The following NELL1 variants were observed in gnomAD, a reference collection of about 807,000 sequenced individuals.
NELL1 encodes neural EGFL like 1, also known as protein kinase C-binding protein NELL1.
In NELL1, 76 loss-of-function variants were observed where a neutral mutation model predicts 107.4. The observed-to-expected ratio is 0.71, with a 90% CI of 0.59 to 0.86. NELL1 has a LOEUF of 0.86. Among genes scored for constraint, NELL1 ranks in the 40% least tolerant of loss-of-function variants. NELL1 has a pLI of 0.00. For missense variants in NELL1, 1,024 were observed against 1,005.5 expected, an observed-to-expected ratio of 1.02 and a Z score of -0.25; for synonymous variants, 353 against 341.2, an observed-to-expected ratio of 1.03 and a Z score of -0.38.
At chr11:21,432,048 A>T (rs1026214047) in intron 15 of NELL1, among the ~76,000 whole-genome samples, 6 of 152,172 alleles carry the variant, frequency 3.9e-5, no homozygotes, top group Non-Finnish European at 5.9e-5. Flanking sequence ...TGAGGCAATT[A>T]TAACAGTGTA....
At chr11:21,447,121 AGTCAGCTT>A (rs1456100368) in intron 15 of NELL1, among the ~76,000 whole-genome samples, 4,605 of 152,164 alleles carry the variant, frequency 0.03, 240 homozygotes, top group African/African-American at 0.1. Context: ...AGGGCTCTTC[AGTCAGCTT>A]ATGGTGAATA....
At chr11:20,938,910 C>CTCTCTG (rs1850784039) in intron 10 of NELL1, among the ~76,000 whole-genome samples, 1 of 81,220 alleles carries the variant, frequency 1.2e-5, no homozygotes, top group Non-Finnish European at 2.6e-5. Context: ...CTCTCTCTGT[C>CTCTCTG]TCTCTCTCTC....
intron 15 of NELL1, among the ~76,000 whole-genome samples, chr11:21,392,113 C>T (rs1019479677): frequency 5.3e-5 from 8 of 151,764 alleles, no homozygotes; most frequent in Non-Finnish European, 8.8e-5. Flanking sequence ...ATACCCCTGT[C>T]TCAGTATAGT....
chr11:21,375,299 G>A (rs1851449335), intron 15 of NELL1, among the ~76,000 whole-genome samples: 2 of 152,062 alleles, frequency 1.3e-5, no homozygotes, highest in African/African-American at 2.4e-5. Context: ...GTGAGAACAT[G>A]AGGTACTTGG....
chr11:21,453,229 G>T (rs1853632160), intron 15 of NELL1, among the ~76,000 whole-genome samples: 1 of 152,008 alleles, frequency 6.6e-6, no homozygotes, highest in Admixed American at 6.6e-5. Context: ...TACTATAATT[G>T]TAGATTTGTC....
intron 13 of NELL1, among the ~76,000 whole-genome samples, chr11:21,211,875 G>GAGTGT: frequency 6.6e-6 from 1 of 152,072 alleles, no homozygotes; most frequent in African/African-American, 2.4e-5. Context: ...GCCTAGGCTG[G>GAGTGT]AGTGTAGTGG....
intron 14 of NELL1, among the ~76,000 whole-genome samples, chr11:21,274,518 C>T (rs190078862): frequency 4.1e-4 from 62 of 152,164 alleles, no homozygotes; most frequent in African/African-American, 1.4e-3. Flanking sequence ...ACGATATCCA[C>T]GAATTGAACT....
chr11:21,336,231 A>T (rs1290312997), intron 14 of NELL1, among the ~76,000 whole-genome samples: 1 of 152,048 alleles, frequency 6.6e-6, no homozygotes, highest in African/African-American at 2.4e-5. Flanking sequence ...GCATCTATGT[A>T]GAACTTACAG....
chr11:20,846,973 A>G (rs1848711580), intron 3 of NELL1, among the ~76,000 whole-genome samples: 1 of 152,198 alleles, frequency 6.6e-6, no homozygotes, highest in South Asian at 2.1e-4. Flanking sequence ...ATAATCCTGG[A>G]AAAGAAAAAA....
intron 7 of NELL1, among the ~76,000 whole-genome samples, chr11:20,926,696 C>T (rs1461932935): frequency 6.6e-6 from 1 of 152,128 alleles, no homozygotes; most frequent in Non-Finnish European, 1.5e-5. Context: ...GGTTATTTTA[C>T]AAAATTCTGA....
chr11:20,772,074 A>T (rs77811728), intron 2 of NELL1, among the ~76,000 whole-genome samples: 2,019 of 152,296 alleles, frequency 0.013, 40 homozygotes, highest in African/African-American at 0.046. Context: ...ATCTGAGTAG[A>T]TGTGGCAAGG....
chr11:21,173,575 C>T (rs1297394565), intron 13 of NELL1, among the ~76,000 whole-genome samples: 1 of 151,804 alleles, frequency 6.6e-6, no homozygotes, highest in Admixed American at 6.6e-5. Flanking sequence ...TTTAGTTCAA[C>T]AGTTATTTGA....
intron 5 of NELL1, among the ~76,000 whole-genome samples, chr11:20,890,764 G>A (rs1041142680): frequency 6.6e-6 from 1 of 151,856 alleles, no homozygotes; most frequent in African/African-American, 2.4e-5. Context: ...GGACATTAGA[G>A]TTTGAAGACC....
chr11:21,256,237 G>A (rs2133916704), intron 14 of NELL1, among the ~76,000 whole-genome samples: 1 of 152,086 alleles, frequency 6.6e-6, no homozygotes, highest in South Asian at 2.1e-4. Flanking sequence ...CCTCTACTGA[G>A]CAATCTTTAT....
intron 12 of NELL1, among the ~76,000 whole-genome samples, chr11:20,969,318 G>A (rs1851448035): frequency 6.6e-6 from 1 of 152,156 alleles, no homozygotes; most frequent in South Asian, 2.1e-4. Context: ...CTGTGCTGCA[G>A]TTCTGAGTTT....
chr11:21,561,586 C>A (rs768486163), intron 17 of NELL1, among the ~76,000 whole-genome samples: 2 of 152,034 alleles, frequency 1.3e-5, no homozygotes, highest in Non-Finnish European at 2.9e-5. Context: ...AATGTCTAAG[C>A]TGTGACTTGA....
intron 15 of NELL1, among the ~76,000 whole-genome samples, chr11:21,405,529 T>G (rs967863998): frequency 6.6e-6 from 1 of 152,042 alleles, no homozygotes; most frequent in Non-Finnish European, 1.5e-5. Flanking sequence ...AATCAGATTC[T>G]GGGCCATAAG....
At chr11:21,069,801 C>T (rs888165468) in intron 12 of NELL1, among the ~76,000 whole-genome samples, 2 of 152,092 alleles carry the variant, frequency 1.3e-5, no homozygotes, top group African/African-American at 4.8e-5. Context: ...ATTTTGCAGG[C>T]AGGAGGCCAG....
chr11:21,017,223 G>A (rs928547963), intron 12 of NELL1, among the ~76,000 whole-genome samples: 1 of 152,104 alleles, frequency 6.6e-6, no homozygotes, highest in Non-Finnish European at 1.5e-5. Context: ...TCCAGAAGCT[G>A]TTGCAGCCAG....
Sources: allele counts gnomAD v4.1 joint callset (sites outside exome capture counted in the v4.1 genomes callset), GRCh38; gene constraint gnomAD v4.1.1; transcripts MANE v1.5; gene names NCBI Gene and HGNC (gene_info 2026-07-23, HGNC 2026-07-21).